The following PCDHGA6 variants were observed in gnomAD, a reference collection of about 807,000 sequenced individuals.
The protein encoded by PCDHGA6 is protocadherin gamma-A6.
In PCDHGA6, 41 loss-of-function variants were observed where a neutral mutation model predicts 60.6. The observed-to-expected ratio is 0.68, with a 90% CI of 0.53 to 0.88. The LOEUF (loss-of-function observed/expected upper bound fraction) is 0.88. Ranked by LOEUF, PCDHGA6 falls within the 40% of genes least tolerant of loss-of-function variation. The pLI is 0.00. For missense variants in PCDHGA6, 1,312 were observed against 1,203.0 expected (o/e 1.09, Z -1.34); for synonymous variants, 594 against 524.4 (o/e 1.13, Z -1.81).
chr5:141,497,148 A>G (rs1436451953), intron 2 of PCDHGA6, among the ~76,000 whole-genome samples: 1 of 152,122 alleles, frequency 6.6e-6, no homozygotes, highest in Non-Finnish European at 1.5e-5. Context: ...ATCACGAAAA[A>G]AAAATAATCT....
Position 141,389,889 on chromosome 5 carries a change from G to A in PCDHGA6, c.2424+13382G>A. ...GGTCTTCGCCGACAGCTTGCAGGAG[G>A]TGCTGCCGGATATCACTGACCGCCC... On this transcript the variant is annotated intron_variant, in intron 1 of 3. Transcript: ENST00000517434. 1.9e-6 allele frequency: 3 copies of A among 1,614,086 alleles called. No homozygotes were observed. Among genetic ancestry groups the A allele is most frequent in the Admixed American group, 1.7e-5 (1 of 60,034 alleles).
chr5:141,474,371 G>A (rs909237592), intron 1 of PCDHGA6, among the ~76,000 whole-genome samples: 1 of 152,180 alleles, frequency 6.6e-6, no homozygotes, highest in African/African-American at 2.4e-5. Flanking sequence ...TAGGTCTAGA[G>A]GAGGGCATTT....
intron 1 of PCDHGA6, chr5:141,408,896 GT>G: frequency 6.2e-7 from 1 of 1,613,328 alleles, no homozygotes; most frequent in Non-Finnish European, 8.5e-7. Context: ...AGAAATTTCT[GT>G]CAAGGATACC....
rs200790843 is a variant in PCDHGA6 at position 141,432,196 on chromosome 5, C to A, written c.2424+55689C>A. ...TCGTCTCTGTGACCGCCCACGACCCCGACTGTGAAGAGAACGCCCAGATCA... is the reference window on the plus strand; with the variant it reads ...TCGTCTCTGTGACCGCCCACGACCCAGACTGTGAAGAGAACGCCCAGATCA... On this transcript the variant is annotated intron_variant, in intron 1 of 3. Coordinates refer to ENST00000517434, the MANE Select transcript of PCDHGA6 (RefSeq NM_018919.3). This position sits in a 1 kb window ranked among gnomAD's most constrained non-coding sequence, Gnocchi z 6.0. The A allele has an allele frequency of 6.2e-7, 1 of 1,614,192 alleles. No homozygotes were observed.
rs532907359 is a variant in PCDHGA6, at chr5:141,500,353, C to T, written c.2484-5040C>T. 1.9e-4 allele frequency among the ~76,000 whole-genome samples: 29 copies of T among 152,052 alleles called. No homozygotes were observed. The East Asian group carries it at 5.2e-3, about 27-fold the overall frequency. The stretch of plus-strand genomic sequence containing the variant: ...CCTCCAGAATAGCTGGGACTACAGG[C>T]GCCCACTACCACGCCCGGCTAATTA... On this transcript the variant is annotated intron_variant, in intron 2 of 3. Transcript: ENST00000517434.
chr5:141,382,821 CAG>C, intron 1 of PCDHGA6: 1 of 1,306,412 alleles, frequency 7.7e-7, no homozygotes, highest in South Asian at 1.5e-5. Context: ...CTTCCTAAGA[CAG>C]AGGGGTCCAC....
Position 141,476,021 on chromosome 5 carries a change from C to T in PCDHGA6, c.2425-18786C>T. The T allele has an allele frequency of 7.1e-7, 1 of 1,400,498 alleles. No individual in the cohort carries two copies. The highest frequency in any genetic ancestry group is 1.4e-5 in the South Asian group (1 of 71,458). 86.8% of individuals were successfully genotyped at this position (1,400,498 alleles called of 1,614,324 possible). A position where few individuals can be genotyped will look rare whatever the true frequency, so the allele number is the denominator to read the frequency against. ...GGCATCCAGAAAGCCATGTCGGACT[C>T]GGCGCCCAGCGCCCAAGCGCTAACC... On this transcript the variant is annotated intron_variant, in intron 1 of 3. Coordinates refer to ENST00000517434, the MANE Select transcript of PCDHGA6 (RefSeq NM_018919.3). This position sits in a 1 kb window ranked among gnomAD's most constrained non-coding sequence, Gnocchi z 7.6.
In PCDHGA6 at chr5:141,376,102, C is replaced by G. The variant is rs1772284190; in HGVS notation, c.2019C>G (p.Ala673=). The change falls in exon 1 of 4, where the codon GCC becomes GCG. Residue 673 remains alanine, a synonymous_variant. Transcript: ENST00000517434. ...CCGACAGGATCCCCGACATCCTGGCCGACCTGGGCAGCCTCGAGCCCTCCG... is the reference window on the plus strand; with the variant it reads ...CCGACAGGATCCCCGACATCCTGGCGGACCTGGGCAGCCTCGAGCCCTCCG... ...AVADRIPDIL[A]DLGSLEPSAK... is the part of the protein sequence containing the mutation. 1 of 1,613,506 alleles carries G rather than the reference C, an allele frequency of 6.2e-7. No homozygotes were observed. The highest frequency in any genetic ancestry group is 8.5e-7 in the Non-Finnish European group (1 of 1,179,920).
Position 141,506,445 on chromosome 5 carries a change from A to T in PCDHGA6, c.2572+964A>T, listed in dbSNP as rs1018306383. 3.8e-3 allele frequency among the ~76,000 whole-genome samples: 112 copies of T among 29,226 alleles called. No individual in the cohort carries two copies. The Middle Eastern group carries it at 0.08, about 21-fold the overall frequency. The allele number at this position is 29,226 out of a possible 152,430, so 19.2% of individuals were successfully genotyped here. ...CTGGGCAACAGTCTCGCTCTGTCTC[A>T]AAAAAAAAAAAAAAAAAAAAGAGCA... On this transcript the variant is annotated intron_variant, in intron 3 of 3. Transcript: ENST00000517434.
At chr5:141,394,434 C>T in intron 1 of PCDHGA6, 1 of 1,614,248 alleles carries the variant, frequency 6.2e-7, no homozygotes, top group South Asian at 1.1e-5. Context: ...CGGGGACCCG[C>T]CCCTCAGCAG....
intron 1 of PCDHGA6, chr5:141,409,411 AC>A (rs1172458730): frequency 6.2e-7 from 1 of 1,614,004 alleles, no homozygotes; most frequent in African/African-American, 1.3e-5. Flanking sequence ...ACTACTACAA[AC>A]TGGTGACAGA....
At chr5:141,444,129 T>C (rs897901109) in intron 1 of PCDHGA6, among the ~76,000 whole-genome samples, 3 of 147,096 alleles carry the variant, frequency 2.0e-5, no homozygotes, top group African/African-American at 5.0e-5. Context: ...TCTCAACAGA[T>C]ATGTGTCACT....
chr5:141,470,459 A>T (rs59770804), intron 1 of PCDHGA6, among the ~76,000 whole-genome samples: 32,627 of 152,034 alleles, frequency 0.21, 3,610 homozygotes, highest in African/African-American at 0.27. Context: ...CTTGAATAGG[A>T]TTTTCTGATA....
rs1445356223 is a variant in PCDHGA6, at chr5:141,490,414, G to T, written c.2425-4393G>T. On this transcript the variant is annotated intron_variant, in intron 1 of 3. Transcript: ENST00000517434. This position sits in a 1 kb window ranked among gnomAD's most constrained non-coding sequence, Gnocchi z 5.4. ...TGAAGTGAGCCTTGATATCTCTCCGGACCTGCCATTTCAGATTAAGCCTTC... is the reference window on the plus strand; with the variant it reads ...TGAAGTGAGCCTTGATATCTCTCCGTACCTGCCATTTCAGATTAAGCCTTC... The T allele has an allele frequency of 1.2e-6, 2 of 1,614,138 alleles. No homozygotes were observed. The highest frequency in any genetic ancestry group is 1.7e-6 in the Non-Finnish European group (2 of 1,180,024).
At chr5:141,398,683 C>T (rs910361681) in intron 1 of PCDHGA6, 1 of 1,613,796 alleles carries the variant, frequency 6.2e-7, no homozygotes, top group African/African-American at 1.3e-5. Flanking sequence ...TAAGGAGAAA[C>T]AGGATGGTAG....
rs556484142 is a variant in PCDHGA6 at position 141,503,243 on chromosome 5, CA to C, written c.2484-2149del. On this transcript the variant is annotated intron_variant, in intron 2 of 3. Coordinates refer to ENST00000517434, the MANE Select transcript of PCDHGA6 (RefSeq NM_018919.3). ...CACCGTAAAGATGGACAGTTTCTAT[CA>C]TACTCACAGCCACAACCCCAGCACC... Among the ~76,000 whole-genome samples, 232 of 152,196 alleles carry C rather than the reference CA, an allele frequency of 1.5e-3. 2 individuals carry two copies. Among genetic ancestry groups the C allele is most frequent in the African/African-American group, 5.3e-3 (219 of 41,516 alleles).
At chr5:141,419,600 G>A (rs1304962440) in intron 1 of PCDHGA6, 3 of 1,611,816 alleles carry the variant, frequency 1.9e-6, no homozygotes, top group Non-Finnish European at 2.5e-6. Context: ...AGTGCCGCGG[G>A]CCGCGCAGCC....
intron 1 of PCDHGA6, among the ~76,000 whole-genome samples, chr5:141,457,687 G>A (rs2098927754): frequency 6.6e-6 from 1 of 152,198 alleles, no homozygotes; most frequent in Admixed American, 6.5e-5. Context: ...TAGGACTTTT[G>A]GATTGGCTTT....
chr5:141,396,908 C>CA (rs1453541436), intron 1 of PCDHGA6, among the ~76,000 whole-genome samples: 1 of 152,146 alleles, frequency 6.6e-6, no homozygotes, highest in African/African-American at 2.4e-5. Flanking sequence ...TGGCACTTTG[C>CA]AATTTTAAAA....
Sources: gnomAD v4.1 joint callset for allele counts (sites outside exome capture counted in the v4.1 genomes callset) on GRCh38, gnomAD v4.1.1 for gene constraint, Gnocchi (gnomAD v3.1) non-coding constraint, MANE v1.5 for transcripts, NCBI Gene and HGNC (gene_info 2026-07-23, HGNC 2026-07-21) for gene names.